USH2A: variants seen among roughly 807,000 people sequenced by gnomAD.
USH2A encodes the protein Usher syndrome 2A (autosomal recessive, mild).
In USH2A, 443 loss-of-function variants were observed where a neutral mutation model predicts 538.9. The ratio of observed to expected loss-of-function variants is 0.82; its 90% CI spans 0.76 to 0.89. USH2A has a LOEUF of 0.89. Among genes scored for constraint, USH2A ranks in the 40% least tolerant of loss-of-function variants. The pLI, the probability that USH2A is intolerant of heterozygous loss-of-function variation, is 0.00. For synonymous variants in USH2A, 2,413 were observed against 2,273.5 expected, an observed-to-expected ratio of 1.06 and a Z score of -1.75; for missense variants, 6,633 against 6,324.8, an observed-to-expected ratio of 1.05 and a Z score of -1.65.
chr1:216,193,070 T>G (rs1558308282), intron 19 of USH2A, among the ~76,000 whole-genome samples: 1 of 152,242 alleles, frequency 6.6e-6, no homozygotes, highest in East Asian at 1.9e-4. Flanking sequence ...ATTTCTCACC[T>G]TATTTTTTTC....
chr1:215,650,716 G>T lies in USH2A; in HGVS notation c.14219C>A (p.Ala4740Asp), dbSNP rs539192853. The T allele has an allele frequency of 4.8e-5, 77 of 1,614,048 alleles. No individual in the cohort carries two copies. Among genetic ancestry groups the T allele is most frequent in the Non-Finnish European group, 6.1e-5 (72 of 1,180,006 alleles). ...TGPAPPEGLR[A>D]PTFHVISSTQ... ...AGAAGAGATCACATGGAACGTGGGGGCTCTGAGACCTTCTGGTGGGGCTGG... is the reference window on the plus strand; with the variant it reads ...AGAAGAGATCACATGGAACGTGGGGTCTCTGAGACCTTCTGGTGGGGCTGG... The change falls in exon 65 of 72, where the codon GCC becomes GAC. Residue 4740 changes from alanine (A) to aspartate (D), a missense_variant. Coordinates refer to ENST00000307340, the MANE Select transcript of USH2A (RefSeq NM_206933.4).
At chr1:216,075,625 C>T (rs1473713038) in intron 27 of USH2A, among the ~76,000 whole-genome samples, 1 of 152,034 alleles carries the variant, frequency 6.6e-6, no homozygotes, top group Non-Finnish European at 1.5e-5. Context: ...CCCCCACTCT[C>T]TCCCTCTCCA....
At chr1:216,183,703 T>A (rs1455134813) in intron 20 of USH2A, among the ~76,000 whole-genome samples, 1 of 152,022 alleles carries the variant, frequency 6.6e-6, no homozygotes, top group Non-Finnish European at 1.5e-5. Flanking sequence ...TCTCTAGGAG[T>A]GCTGCATGAT....
chr1:215,845,698 C>T (rs959049471), intron 45 of USH2A, 126 bp downstream of exon 45: 3 of 981,154 alleles, frequency 3.1e-6, no homozygotes, highest in South Asian at 2.8e-5. Flanking sequence ...AGCATTTTAG[C>T]CTCCACCCCC....
intron 30 of USH2A, among the ~76,000 whole-genome samples, chr1:216,050,616 T>TCTTTC (rs1558231973): frequency 9.1e-4 from 43 of 47,464 alleles, no homozygotes; most frequent in Non-Finnish European, 1.2e-3. Context: ...TTTTTTTTTT[T>TCTTTC]TTTTTTGAGA....
intron 3 of USH2A, among the ~76,000 whole-genome samples, chr1:216,372,779 G>T (rs967191028): frequency 6.6e-6 from 1 of 152,128 alleles, no homozygotes; most frequent in Non-Finnish European, 1.5e-5. Flanking sequence ...GCTTAAAGAG[G>T]TGTCATGTAC....
chr1:215,677,376 A>G (rs986233581), intron 62 of USH2A, among the ~76,000 whole-genome samples: 2 of 152,132 alleles, frequency 1.3e-5, no homozygotes, highest in East Asian at 1.9e-4. Context: ...GTATTTTTCA[A>G]TGATTTTAAA....
At chr1:215,650,541 T>C (rs1360993655) in intron 65 of USH2A, 51 bp downstream of exon 65, 2 of 1,603,294 alleles carry the variant, frequency 1.2e-6, no homozygotes, top group Non-Finnish European at 1.7e-6. Flanking sequence ...GGTTTCATAG[T>C]AATGATTTTT....
intron 3 of USH2A, among the ~76,000 whole-genome samples, chr1:216,391,301 A>G (rs1558067762): frequency 6.6e-6 from 1 of 152,190 alleles, no homozygotes; most frequent in Non-Finnish European, 1.5e-5. Context: ...TATAGATGCA[A>G]CTATCATCAA....
chr1:215,651,881 G>T (rs1355940431), intron 64 of USH2A, among the ~76,000 whole-genome samples: 1 of 152,046 alleles, frequency 6.6e-6, no homozygotes, highest in Non-Finnish European at 1.5e-5. Flanking sequence ...TTTTTTTCCG[G>T]ATTCCTTTGT....
intron 14 of USH2A, among the ~76,000 whole-genome samples, chr1:216,218,040 G>A (rs779162799): frequency 2.0e-5 from 3 of 152,032 alleles, no homozygotes; most frequent in African/African-American, 4.8e-5. Flanking sequence ...TAGTTAGTTC[G>A]ATGAAGACTA....
Position 215,836,547 on chromosome 1 carries a change from A to ATAT in USH2A, c.9371+1441_9371+1443dup, listed in dbSNP as rs1376244078. 8.3e-4 allele frequency among the ~76,000 whole-genome samples: 14 copies of ATAT among 16,956 alleles called. 1 individual carries two copies. In the South Asian group the frequency reaches 0.031, roughly 37 times the overall value. The allele number at this position is 16,956 out of a possible 152,430, so 11.1% of individuals were successfully genotyped here. On this transcript the variant is annotated intron_variant, in intron 47 of 71. Coordinates refer to ENST00000307340, the MANE Select transcript of USH2A (RefSeq NM_206933.4). ...TATATTATATATATATATATAATAT[A>ATAT]TATATATATATATATATATTTTTTT...
intron 32 of USH2A, among the ~76,000 whole-genome samples, chr1:216,018,110 T>C (rs1311653930): frequency 6.6e-6 from 1 of 152,192 alleles, no homozygotes; most frequent in African/African-American, 2.4e-5. Flanking sequence ...ACATTTAATA[T>C]GGATTACTGT....
intron 61 of USH2A, among the ~76,000 whole-genome samples, chr1:215,708,902 T>C (rs145953847): frequency 3.0e-4 from 45 of 152,276 alleles, no homozygotes; most frequent in African/African-American, 1.1e-3. Flanking sequence ...GGTTTATGGA[T>C]TATATTATCT....
chr1:216,036,586 T>C (rs2029986020), intron 32 of USH2A, among the ~76,000 whole-genome samples: 1 of 152,184 alleles, frequency 6.6e-6, no homozygotes, highest in African/African-American at 2.4e-5. Flanking sequence ...AACATTACAT[T>C]GTTGGAAACT....
At chr1:216,390,431 A>G (rs2102745471) in intron 3 of USH2A, among the ~76,000 whole-genome samples, 1 of 152,298 alleles carries the variant, frequency 6.6e-6, no homozygotes, top group Admixed American at 6.5e-5. Flanking sequence ...AATCCATACC[A>G]TAATTGCACC....
Position 216,233,545 on chromosome 1 carries a change from G to A in USH2A, c.2810-1409C>T, listed in dbSNP as rs181770115. Among the ~76,000 whole-genome samples the A allele has an allele frequency of 2.3e-3, 348 of 152,056 alleles. 2 individuals are homozygous for A. The highest frequency in any genetic ancestry group is 4.0e-3 in the Non-Finnish European group (273 of 68,008). On this transcript the variant is annotated intron_variant, in intron 13 of 71. Transcript: ENST00000307340. ...CAGCCAGTACACTGCTTGGCACATA[G>A]TAGGCATTCCAAACACATTCGATGA... is the stretch of plus-strand genomic sequence containing the variant.
intron 55 of USH2A, among the ~76,000 whole-genome samples, chr1:215,774,577 G>C (rs1661403282): frequency 6.6e-6 from 1 of 151,824 alleles, no homozygotes; most frequent in Non-Finnish European, 1.5e-5. Context: ...TTCAAGTTCA[G>C]TGTTATGCTA....
rs115551155 is a variant in USH2A at position 216,242,397 on chromosome 1, T to C, written c.2809+4188A>G. Among the ~76,000 whole-genome samples the C allele has an allele frequency of 3.7e-3, 554 of 151,274 alleles. 2 individuals carry two copies. The highest frequency in any genetic ancestry group is 0.01 in the Middle Eastern group (3 of 292). On this transcript the variant is annotated intron_variant, in intron 13 of 71. Coordinates refer to ENST00000307340, the MANE Select transcript of USH2A (RefSeq NM_206933.4). ...AAAAAAAAATATATATATATGTATA[T>C]ATAATTCCTTGTACATTGTGGGCAC...
Sources: allele counts gnomAD v4.1 joint callset (sites outside exome capture counted in the v4.1 genomes callset), GRCh38; gene constraint gnomAD v4.1.1; transcripts MANE v1.5; gene names NCBI Gene and HGNC (gene_info 2026-07-23, HGNC 2026-07-21).